OR7E24: variants seen among roughly 807,000 people sequenced by gnomAD.
OR7E24 encodes the protein olfactory receptor family 7 subfamily E member 24, also known as olfactory receptor 7E24.
For synonymous variants in OR7E24, 130 were observed against 157.5 expected (o/e 0.83, Z 1.31); for missense variants, 385 against 410.3 (o/e 0.94, Z 0.53).
chr19:9,213,844 A>G, the OR7E24 span: 2 of 1,259,798 alleles, frequency 1.6e-6, no homozygotes, highest in Non-Finnish European at 1.1e-6. Context: ...TTAAACCCAC[A>G]ACATTTGCCT....
At chr19:9,224,720 G>A in the OR7E24 span, among the ~76,000 whole-genome samples, 25 of 151,534 alleles carry the variant, frequency 1.6e-4, no homozygotes, top group African/African-American at 5.6e-4. Flanking sequence ...AGCCAGAATC[G>A]TGCCACTGCA....
the OR7E24 span, among the ~76,000 whole-genome samples, chr19:9,222,955 C>CT: frequency 2.0e-5 from 3 of 152,108 alleles, no homozygotes; most frequent in Non-Finnish European, 4.4e-5. Flanking sequence ...GTGGTTTTTA[C>CT]TATGTTGAGG....
chr19:9,238,282 CA>C, the OR7E24 span, among the ~76,000 whole-genome samples: 1 of 150,828 alleles, frequency 6.6e-6, no homozygotes, highest in East Asian at 1.9e-4. Context: ...GACTCTGTCT[CA>C]AAAAAACAAA....
At chr19:9,232,311 G>A in the OR7E24 span, among the ~76,000 whole-genome samples, 1 of 152,040 alleles carries the variant, frequency 6.6e-6, no homozygotes, top group Non-Finnish European at 1.5e-5. Flanking sequence ...AGGCCGAGGT[G>A]GACGGATCAC....
At chr19:9,221,242 A>C in the OR7E24 span, among the ~76,000 whole-genome samples, 1 of 147,222 alleles carries the variant, frequency 6.8e-6, no homozygotes, top group Non-Finnish European at 1.5e-5. Flanking sequence ...ACTGCACTCC[A>C]GCCTGGGTGA....
chr19:9,223,474 A>G, the OR7E24 span, among the ~76,000 whole-genome samples: 241 of 152,316 alleles, frequency 1.6e-3, no homozygotes, highest in African/African-American at 5.6e-3. Context: ...GTCCATCTAC[A>G]TACCTGTCTA....
At chr19:9,210,729 A>C in the OR7E24 span, 1 of 151,006 alleles carries the variant, frequency 6.6e-6, no homozygotes, top group Non-Finnish European at 1.5e-5. Context: ...CACAGAGTCT[A>C]CACTAGGGAG....
the OR7E24 span, among the ~76,000 whole-genome samples, chr19:9,223,358 G>A: frequency 6.6e-6 from 1 of 152,198 alleles, no homozygotes; most frequent in African/African-American, 2.4e-5. Flanking sequence ...CCATCAGGTG[G>A]CCAATGATAA....
chr19:9,235,937 C>A, the OR7E24 span: 7 of 1,609,124 alleles, frequency 4.4e-6, no homozygotes, highest in Non-Finnish European at 6.0e-6. Context: ...TCTGCTGTGA[C>A]CCATTCTTCC....
the OR7E24 span, chr19:9,210,528 A>G: frequency 6.6e-6 from 1 of 152,284 alleles, no homozygotes; most frequent in African/African-American, 2.4e-5. Flanking sequence ...GCAGTGAGCT[A>G]TGACTGAGCC....
At chr19:9,211,495 G>A in the OR7E24 span, 14 of 152,184 alleles carry the variant, frequency 9.2e-5, no homozygotes, top group Non-Finnish European at 1.6e-4. Flanking sequence ...TACAGGCAAG[G>A]AGTATAGAAA....
rs140655036 is a variant in OR7E24 at position 9,252,033 on chromosome 19, T to C, written c.990T>C (p.His330=). Residue 330 remains histidine (H), a synonymous_variant, in exon 1 of 1, where the codon CAT becomes CAC. Coordinates refer to ENST00000456448, the MANE Select transcript of OR7E24 (RefSeq NM_001079935.2). ...TGCATGGCAGAATCATCAAATCTCA[T>C]CATCTCCATCCTTTTTGTTATATGG... The part of the protein sequence containing the change: ...CRLHGRIIKS[H]HLHPFCYMG 6.2e-7 allele frequency: 1 copy of C among 1,614,056 alleles called. No individual in the cohort carries two copies. The highest frequency in any genetic ancestry group is 2.2e-5 in the East Asian group (1 of 44,882).
At chr19:9,214,663 T>TG in the OR7E24 span, 13 of 1,613,832 alleles carry the variant, frequency 8.1e-6, no homozygotes, top group Non-Finnish European at 1.1e-5. Context: ...AAGAAGTACA[T>TG]GGGGGTGTGG....
the OR7E24 span, chr19:9,209,745 C>T: frequency 6.6e-6 from 1 of 151,912 alleles, no homozygotes; most frequent in African/African-American, 2.4e-5. Context: ...ACCTCTGCCT[C>T]CCGGGTTCAA....
At chr19:9,243,605 G>A (rs1458103746), upstream of OR7E24, among the ~76,000 whole-genome samples, 2 of 152,084 alleles carry the variant, frequency 1.3e-5, no homozygotes, top group Non-Finnish European at 2.9e-5. Context: ...CACTGCACCT[G>A]GCAGGCATCT....
chr19:9,238,070 A>G, the OR7E24 span, among the ~76,000 whole-genome samples: 2 of 152,132 alleles, frequency 1.3e-5, no homozygotes, highest in African/African-American at 4.8e-5. Context: ...TGAGGCCAGG[A>G]GTTTGAAACC....
chr19:9,239,764 AG>A, the OR7E24 span, among the ~76,000 whole-genome samples: 1,188 of 131,392 alleles, frequency 9.0e-3, 5 homozygotes, highest in Non-Finnish European at 0.013. Context: ...GCTGGAGTGC[AG>A]TGGTGCAATC....
the OR7E24 span, among the ~76,000 whole-genome samples, chr19:9,240,670 T>C: frequency 6.6e-6 from 1 of 152,228 alleles, no homozygotes. Context: ...TGAAGTTCAA[T>C]ATATCTATTT....
the OR7E24 span, chr19:9,214,890 C>T: frequency 9.6e-7 from 1 of 1,036,414 alleles, no homozygotes; most frequent in Non-Finnish European, 1.4e-6. Context: ...TAATGAACAG[C>T]AAGTGGCAGC....
Sources: gnomAD v4.1 joint callset for allele counts (sites outside exome capture counted in the v4.1 genomes callset) on GRCh38, gnomAD v4.1.1 for gene constraint, MANE v1.5 for transcripts, NCBI Gene and HGNC (gene_info 2026-07-23, HGNC 2026-07-21) for gene names.